ADGRG7: variants seen among roughly 807,000 people sequenced by gnomAD.
The protein encoded by ADGRG7 is adhesion G protein-coupled receptor G7.
A neutral mutation model predicts 88.6 loss-of-function variants in ADGRG7; 82 were observed. That is an observed-to-expected ratio of 0.93 (90% confidence interval 0.77 to 1.11). ADGRG7 has a LOEUF of 1.11. Among genes scored for constraint, ADGRG7 ranks in the 50% most tolerant of loss-of-function variants. ADGRG7 has a pLI of 0.00. For missense variants in ADGRG7, 945 were observed against 953.4 expected (o/e 0.99, Z 0.12); for synonymous variants, 381 against 345.2 (o/e 1.10, Z -1.15).
In ADGRG7 at chr3:100,654,988, T is replaced by C; in HGVS notation, c.1533T>C (p.Asn511=). 2 of 1,614,160 alleles carry C rather than the reference T, an allele frequency of 1.2e-6. No homozygotes were observed. The highest frequency in any genetic ancestry group is 1.7e-6 in the Non-Finnish European group (2 of 1,180,016). ...TCAATAATATTGACTTTGACAATAA[T>C]GACATACCCAGGACAGACACCATTA... The part of the protein sequence containing the change: ...GDINNIDFDN[N]DIPRTDTINI... Residue 511 remains asparagine (N), a synonymous_variant, in exon 12 of 16, where the codon AAT becomes AAC. Transcript: ENST00000273352.
intron 15 of ADGRG7, among the ~76,000 whole-genome samples, chr3:100,671,608 T>A (rs1380506226): frequency 6.6e-6 from 1 of 152,232 alleles, no homozygotes; most frequent in African/African-American, 2.4e-5. Flanking sequence ...GCTTTTGGTG[T>A]TTTAGTCATG....
In ADGRG7 at chr3:100,673,034, G is replaced by C. The variant is rs115318913; in HGVS notation, c.2136+3929G>C. ...TGAAATTTTTTTTGTGTGTGTGTGT[G>C]TCTCTGCTAGGTTTTGGAATCAGGA... is the stretch of plus-strand genomic sequence containing the variant. On this transcript the variant is annotated intron_variant, in intron 15 of 15. Coordinates refer to ENST00000273352, the MANE Select transcript of ADGRG7 (RefSeq NM_032787.3). Among the ~76,000 whole-genome samples the C allele has an allele frequency of 4.9e-3, 745 of 152,170 alleles. 6 individuals carry two copies. The highest frequency in any genetic ancestry group is 0.017 in the African/African-American group (711 of 41,524).
At chr3:100,642,935 A>G (rs1707669759) in intron 6 of ADGRG7, among the ~76,000 whole-genome samples, 6 of 152,354 alleles carry the variant, frequency 3.9e-5, no homozygotes, top group Admixed American at 3.3e-4. Context: ...TGCCTTGCCA[A>G]TGGTGGGTGG....
At chr3:100,673,145 C>T (rs1168396299) in intron 15 of ADGRG7, among the ~76,000 whole-genome samples, 2 of 152,088 alleles carry the variant, frequency 1.3e-5, no homozygotes, top group Non-Finnish European at 2.9e-5. Context: ...GTACCAGCTC[C>T]TCTTTTTACC....
Position 100,645,929 on chromosome 3 carries a change from CT to C in ADGRG7, c.947-11del. ...ACAGTGCACTTATTGATTTTAATGT[CT>C]TTTTCTCCCTATAGATTACACCAAG... On this transcript the variant is annotated splice_polypyrimidine_tract_variant and intron_variant, in intron 8 of 15. Transcript: ENST00000273352. 3 of 1,604,888 alleles carry C rather than the reference CT, an allele frequency of 1.9e-6. No individual in the cohort carries two copies. Among genetic ancestry groups the C allele is most frequent in the Non-Finnish European group, 2.5e-6 (3 of 1,176,476 alleles).
At chr3:100,688,800 T>C (rs930738607) in intron 15 of ADGRG7, among the ~76,000 whole-genome samples, 1 of 152,170 alleles carries the variant, frequency 6.6e-6, no homozygotes, top group African/African-American at 2.4e-5. Flanking sequence ...CTTCCAACTA[T>C]GTGGTCAATT....
intron 14 of ADGRG7, among the ~76,000 whole-genome samples, chr3:100,664,836 G>A (rs1429423531): frequency 6.6e-6 from 1 of 152,170 alleles, no homozygotes; most frequent in Admixed American, 6.5e-5. Flanking sequence ...GTAATCCACC[G>A]AATAATTACC....
Position 100,669,047 on chromosome 3 carries a change from A to C in ADGRG7, c.2078A>C (p.Asn693Thr). Reference protein sequence around the residue: ...TWILAYLMLVNDDSIRIVFSY... With the variant: ...TWILAYLMLVTDDSIRIVFSY... Reference sequence around the variant, plus strand: ...ATTCTAGCATACCTGATGCTAGTTAATGATGATAGCATCAGGATCGTCTTC... The same window carrying C: ...ATTCTAGCATACCTGATGCTAGTTACTGATGATAGCATCAGGATCGTCTTC... Residue 693 changes from asparagine to threonine, a missense_variant, in exon 15 of 16, where the codon AAT becomes ACT. Physicochemically the swap from Asn to Thr is moderately conservative, Grantham distance 65. Transcript: ENST00000273352. 1 of 1,603,778 alleles carries C rather than the reference A, an allele frequency of 6.2e-7. No homozygotes were observed. The highest frequency in any genetic ancestry group is 1.7e-5 in the Admixed American group (1 of 58,736).
intron 9 of ADGRG7, 74 bp downstream of exon 9, chr3:100,646,182 G>T: frequency 1.3e-6 from 1 of 755,972 alleles, no homozygotes. Flanking sequence ...CTGAGACTGA[G>T]TAGAGTAATA....
intron 15 of ADGRG7, among the ~76,000 whole-genome samples, chr3:100,672,375 A>T (rs1251831390): frequency 6.6e-6 from 1 of 152,196 alleles, no homozygotes; most frequent in Admixed American, 6.5e-5. Flanking sequence ...ATTGGTGGAT[A>T]GGAATGCTTG....
chr3:100,610,017 G>T, intron 1 of ADGRG7, 46 bp downstream of exon 1: 1 of 1,494,800 alleles, frequency 6.7e-7, no homozygotes, highest in Non-Finnish European at 9.3e-7. Flanking sequence ...AGAAGGTATG[G>T]GACCTCTGTC....
intron 1 of ADGRG7, among the ~76,000 whole-genome samples, chr3:100,613,231 G>T (rs1431496737): frequency 2.0e-5 from 3 of 152,126 alleles, no homozygotes; most frequent in South Asian, 4.1e-4. Flanking sequence ...TGTTATGAAA[G>T]GTCAATGAGA....
At chr3:100,664,997 G>C (rs2094950008) in intron 14 of ADGRG7, 1 of 409,010 alleles carries the variant, frequency 2.4e-6, no homozygotes, top group South Asian at 1.9e-5. Flanking sequence ...TTTATGTCTG[G>C]TTCCAGTATG....
In ADGRG7 at chr3:100,695,178, C is replaced by G. The variant is rs1174196360; in HGVS notation, c.*177C>G. 1 of 631,610 alleles carries G rather than the reference C, an allele frequency of 1.6e-6. No homozygotes were observed. Among genetic ancestry groups the G allele is most frequent in the Middle Eastern group, 3.9e-4 (1 of 2,588 alleles). The allele number at this position is 631,610 out of a possible 1,614,324, so 39.1% of individuals were successfully genotyped here. On this transcript the variant is annotated 3_prime_UTR_variant, in exon 16 of 16. Coordinates refer to ENST00000273352, the MANE Select transcript of ADGRG7 (RefSeq NM_032787.3). ...CGGCATAATGGACTTGGTAGTTTTTCTATTTTTCAATAGATTTGTACTTGA... is the reference window on the plus strand; with the variant it reads ...CGGCATAATGGACTTGGTAGTTTTTGTATTTTTCAATAGATTTGTACTTGA...
chr3:100,684,239 A>G (rs2094978346), intron 15 of ADGRG7, among the ~76,000 whole-genome samples: 2 of 148,544 alleles, frequency 1.3e-5, no homozygotes, highest in Non-Finnish European at 3.0e-5. Context: ...TAATTTTCTC[A>G]TAGTTTTTCC....
chr3:100,635,944 T>A (rs1707533396), intron 5 of ADGRG7, 118 bp downstream of exon 5: 1 of 756,168 alleles, frequency 1.3e-6, no homozygotes, highest in African/African-American at 1.8e-5. Flanking sequence ...TGAGCATGGT[T>A]TAAGTTGCTT....
At chr3:100,619,992 G>C (rs1707284167) in intron 1 of ADGRG7, among the ~76,000 whole-genome samples, 1 of 152,170 alleles carries the variant, frequency 6.6e-6, no homozygotes, top group Non-Finnish European at 1.5e-5. Context: ...AGGAGGAGCT[G>C]GTACCATTCC....
intron 13 of ADGRG7, among the ~76,000 whole-genome samples, chr3:100,657,873 A>G (rs1385523569): frequency 1.3e-5 from 2 of 152,260 alleles, no homozygotes; most frequent in Non-Finnish European, 2.9e-5. Context: ...GATTAGAAAT[A>G]TGATTTCCAA....
At chr3:100,637,577 T>C (rs975857100) in intron 6 of ADGRG7, 175 bp downstream of exon 6, 15 of 568,936 alleles carry the variant, frequency 2.6e-5, no homozygotes, top group Non-Finnish European at 4.4e-5. Flanking sequence ...CTAGATGGAG[T>C]GGTATATGTT....
Sources: gnomAD v4.1 joint callset for allele counts (sites outside exome capture counted in the v4.1 genomes callset) on GRCh38, gnomAD v4.1.1 for gene constraint, MANE v1.5 for transcripts, NCBI Gene and HGNC (gene_info 2026-07-23, HGNC 2026-07-21) for gene names.